ROBO1: variants seen among roughly 807,000 people sequenced by gnomAD.
ROBO1 encodes the protein roundabout guidance receptor 1.
In ROBO1, 149 loss-of-function variants were observed where a neutral mutation model predicts 195.9. That is an observed-to-expected ratio of 0.76 (90% CI 0.67 to 0.87). The LOEUF (loss-of-function observed/expected upper bound fraction) is 0.87. Among genes scored for constraint, ROBO1 ranks in the 40% least tolerant of loss-of-function variants. The pLI is 0.00. For synonymous variants in ROBO1, 816 were observed against 733.2 expected (o/e 1.11, Z -1.82); for missense variants, 1,933 against 2,068.3 (o/e 0.93, Z 1.27).
chr3:78,778,122 G>C (rs1003590723), intron 4 of ROBO1, among the ~76,000 whole-genome samples: 3 of 152,120 alleles, frequency 2.0e-5, no homozygotes, highest in Non-Finnish European at 4.4e-5. Context: ...TTCCGTTTAT[G>C]TGATGGATTA....
Position 78,598,535 on chromosome 3 carries a change from T to C in ROBO1, c.*378A>G, listed in dbSNP as rs1216878227. On this transcript the variant is annotated 3_prime_UTR_variant, in exon 31 of 31. Coordinates refer to ENST00000464233, the MANE Select transcript of ROBO1 (RefSeq NM_002941.4). ...ATCAACTTTCTATATTTGATCAATATCTTGCTATAAATTAGCTTGGCATAT... is the reference window on the plus strand; with the variant it reads ...ATCAACTTTCTATATTTGATCAATACCTTGCTATAAATTAGCTTGGCATAT... The C allele has an allele frequency of 1.2e-5, 2 of 169,532 alleles. No homozygotes were observed. Among genetic ancestry groups the C allele is most frequent in the African/African-American group, 4.7e-5 (2 of 42,220 alleles). The allele number at this position is 169,532 out of a possible 1,614,324, so 10.5% of individuals were successfully genotyped here. A position where few individuals can be genotyped will look rare whatever the true frequency, so the allele number is the denominator to read the frequency against.
rs867369115 is a variant in ROBO1, at chr3:79,189,473, G to T, written c.89-63934C>A. ...GTCTATGCTGCTGCTCCTAAGAAAA[G>T]GTGAGGGGGATGTGTATCTGTGTGT... On this transcript the variant is annotated intron_variant, in intron 2 of 30. Coordinates refer to ENST00000464233, the MANE Select transcript of ROBO1 (RefSeq NM_002941.4). Among the ~76,000 whole-genome samples, 17 of 151,820 alleles carry T rather than the reference G, an allele frequency of 1.1e-4. No individual in the cohort carries two copies. In the South Asian group the frequency reaches 3.3e-3, roughly 30 times the overall value.
Position 78,620,469 on chromosome 3 carries a change from G to A in ROBO1, c.3876-2428C>T, listed in dbSNP as rs1179680225. Among the ~76,000 whole-genome samples, 4 of 152,138 alleles carry A rather than the reference G, an allele frequency of 2.6e-5. No homozygotes were observed. In the East Asian group the frequency reaches 7.8e-4, roughly 29 times the overall value. ...GGAGGTTGCAGTGATCCAAGATCGT[G>A]CCACTGCACTGCATCCTGGGCGACA... On this transcript the variant is annotated intron_variant, in intron 26 of 30. Coordinates refer to ENST00000464233, the MANE Select transcript of ROBO1 (RefSeq NM_002941.4).
At chr3:78,722,476 A>C (rs1254442010) in intron 5 of ROBO1, among the ~76,000 whole-genome samples, 1 of 152,146 alleles carries the variant, frequency 6.6e-6, no homozygotes, top group Non-Finnish European at 1.5e-5. Flanking sequence ...TCAATGCAGC[A>C]ATATAAAACA....
chr3:79,200,019 T>G (rs531199184), intron 2 of ROBO1, among the ~76,000 whole-genome samples: 4 of 151,598 alleles, frequency 2.6e-5, no homozygotes, highest in East Asian at 1.9e-4. Flanking sequence ...AAAGGAGAGA[T>G]AAAAAATAAG....
chr3:79,645,363 A>G (rs1945788581), intron 1 of ROBO1, among the ~76,000 whole-genome samples: 1 of 152,112 alleles, frequency 6.6e-6, no homozygotes, highest in Middle Eastern at 3.4e-3. Context: ...TTAGCCAGCC[A>G]TGGTGATGCA....
chr3:79,501,172 T>C (rs924276260), intron 2 of ROBO1, among the ~76,000 whole-genome samples: 3 of 152,220 alleles, frequency 2.0e-5, no homozygotes, highest in African/African-American at 4.8e-5. Flanking sequence ...CTATTGACTA[T>C]GGCTGTATTA....
rs1247888648 is a variant in ROBO1, at chr3:79,699,581, T to A, written c.-51+68171A>T. ...CTACCAGGGGTACAATTTTTGCAATTATCCTGAGTCCATAGGTGAGGATTC... is the reference window on the plus strand; with the variant it reads ...CTACCAGGGGTACAATTTTTGCAATAATCCTGAGTCCATAGGTGAGGATTC... On this transcript the variant is annotated intron_variant, in intron 1 of 30. Transcript: ENST00000464233. 2.6e-5 allele frequency among the ~76,000 whole-genome samples: 4 copies of A among 151,672 alleles called. No homozygotes were observed. The Admixed American group carries it at 2.6e-4, about 10-fold the overall frequency.
intron 2 of ROBO1, among the ~76,000 whole-genome samples, chr3:79,502,117 G>C (rs1048893091): frequency 2.6e-5 from 4 of 152,170 alleles, no homozygotes; most frequent in Admixed American, 2.6e-4. Context: ...GCCCTCACTC[G>C]TTATCCGCGC....
In ROBO1 at chr3:79,283,700, C is replaced by CTT. The variant is rs762896053; in HGVS notation, c.89-158163_89-158162dup. On this transcript the variant is annotated intron_variant, in intron 2 of 30. Transcript: ENST00000464233. ...GAGAGTCCACATTTATCCATGAATT[C>CTT]TTTTTTTTTTTTTTTGAGACGGAGT... 4.5e-3 allele frequency among the ~76,000 whole-genome samples: 632 copies of CTT among 141,334 alleles called. 7 individuals carry two copies. Among genetic ancestry groups the CTT allele is most frequent in the African/African-American group, 0.016 (591 of 37,956 alleles). 92.7% of individuals were successfully genotyped at this position (141,334 alleles called of 152,430 possible).
chr3:78,898,792 A>G (rs2037411700), intron 4 of ROBO1, among the ~76,000 whole-genome samples: 1 of 152,150 alleles, frequency 6.6e-6, no homozygotes, highest in Non-Finnish European at 1.5e-5. Context: ...TTTGGTATAC[A>G]TGGAAGTCCA....
chr3:79,405,850 A>G (rs1256088417), intron 2 of ROBO1, among the ~76,000 whole-genome samples: 1 of 152,202 alleles, frequency 6.6e-6, no homozygotes, highest in Non-Finnish European at 1.5e-5. Flanking sequence ...TGTTTTCAAC[A>G]AAAAATGTAT....
intron 2 of ROBO1, among the ~76,000 whole-genome samples, chr3:79,377,144 A>G (rs1170689593): frequency 6.6e-6 from 1 of 152,174 alleles, no homozygotes; most frequent in Non-Finnish European, 1.5e-5. Context: ...AAAAAAATAC[A>G]TTATTTTCAT....
chr3:78,805,611 A>G (rs2108598107), intron 4 of ROBO1, among the ~76,000 whole-genome samples: 1 of 152,130 alleles, frequency 6.6e-6, no homozygotes, highest in East Asian at 1.9e-4. Flanking sequence ...TCTTTATTTT[A>G]AGAGTTACTG....
At chr3:79,760,236 C>CAAAAAAAAAA (rs11451206) in intron 1 of ROBO1, among the ~76,000 whole-genome samples, 4 of 4,516 alleles carry the variant, frequency 8.9e-4, no homozygotes, top group African/African-American at 1.3e-3. Flanking sequence ...GACCCTATCT[C>CAAAAAAAAAA]AAAAAAAAAA....
At chr3:78,609,905 CTTATT>C (rs1419345615) in intron 28 of ROBO1, among the ~76,000 whole-genome samples, 2 of 151,880 alleles carry the variant, frequency 1.3e-5, no homozygotes, top group African/African-American at 2.4e-5. Context: ...TTTTTTGAAA[CTTATT>C]TTCTTTTGGC....
intron 2 of ROBO1, among the ~76,000 whole-genome samples, chr3:79,232,246 T>TA (rs2082332397): frequency 7.1e-6 from 1 of 140,698 alleles, no homozygotes; most frequent in South Asian, 2.1e-4. Flanking sequence ...CCTCCTTGAT[T>TA]TAAAAAAAAA....
intron 2 of ROBO1, among the ~76,000 whole-genome samples, chr3:79,523,862 A>T (rs1420847093): frequency 6.6e-6 from 1 of 152,210 alleles, no homozygotes; most frequent in Non-Finnish European, 1.5e-5. Context: ...ACAGAAAATT[A>T]TTCAGTATTG....
chr3:79,236,868 A>G (rs2082415177), intron 2 of ROBO1, among the ~76,000 whole-genome samples: 1 of 152,222 alleles, frequency 6.6e-6, no homozygotes, highest in South Asian at 2.1e-4. Context: ...ATAGTGGATA[A>G]GAGTTCAACT....
Sources: gnomAD v4.1 joint callset for allele counts (sites outside exome capture counted in the v4.1 genomes callset) on GRCh38, gnomAD v4.1.1 for gene constraint, MANE v1.5 for transcripts, NCBI Gene and HGNC (gene_info 2026-07-23, HGNC 2026-07-21) for gene names.